TP63: variants seen among roughly 807,000 people sequenced by gnomAD.
TP63 encodes tumor protein p63.
A neutral mutation model predicts 82.8 loss-of-function variants in TP63; 17 were observed. The ratio of observed to expected loss-of-function variants is 0.21; its 90% CI spans 0.14 to 0.31. The LOEUF (loss-of-function observed/expected upper bound fraction) is 0.31, where lower values mean the gene tolerates loss of function less well. Among genes scored for constraint, TP63 ranks in the 10% least tolerant of loss-of-function variants. TP63 has a pLI of 1.00. For missense variants in TP63, 648 were observed against 895.3 expected (o/e 0.72, Z 3.52); for synonymous variants, 330 against 321.7 (o/e 1.03, Z -0.28).
At chr3:189,764,341 C>G (rs571894495) in intron 3 of TP63, among the ~76,000 whole-genome samples, 1 of 152,094 alleles carries the variant, frequency 6.6e-6, no homozygotes, top group Admixed American at 6.5e-5. Flanking sequence ...TGATAAAATG[C>G]CAGAATACAA....
the TP63 span, among the ~76,000 whole-genome samples, chr3:189,599,656 A>T: frequency 2.0e-5 from 3 of 152,180 alleles, no homozygotes; most frequent in African/African-American, 7.2e-5. Flanking sequence ...AGATTTGAAG[A>T]TTAGGGAGTT....
chr3:189,624,427 A>G, the TP63 span, among the ~76,000 whole-genome samples: 73 of 152,306 alleles, frequency 4.8e-4, 4 homozygotes, highest in East Asian at 7.7e-3. Flanking sequence ...ATAATAGATG[A>G]ATCATATGTC....
At chr3:189,753,549 AC>A (rs1721976643) in intron 3 of TP63, among the ~76,000 whole-genome samples, 1 of 151,932 alleles carries the variant, frequency 6.6e-6, no homozygotes, top group South Asian at 2.1e-4. Flanking sequence ...TTTTTAACCT[AC>A]TTTTATCATT....
chr3:189,847,073 T>C (rs987061732), intron 4 of TP63, among the ~76,000 whole-genome samples: 7 of 152,096 alleles, frequency 4.6e-5, no homozygotes, highest in Admixed American at 3.3e-4. Flanking sequence ...AATAATCAAA[T>C]GAGGCCGGAC....
chr3:189,765,774 G>A (rs1301135776), intron 3 of TP63, among the ~76,000 whole-genome samples: 1 of 152,116 alleles, frequency 6.6e-6, no homozygotes, highest in Non-Finnish European at 1.5e-5. Context: ...TGGTGAAAAA[G>A]CACTGGCCTA....
intron 1 of TP63, among the ~76,000 whole-genome samples, chr3:189,701,230 T>C (rs962786022): frequency 2.6e-5 from 4 of 152,040 alleles, no homozygotes; most frequent in Admixed American, 1.3e-4. Context: ...CTAATAGAAC[T>C]CCAGTACGTG....
At chr3:189,868,767 T>A in intron 8 of TP63, 51 bp downstream of exon 8, 1 of 1,612,374 alleles carries the variant, frequency 6.2e-7, no homozygotes, top group Non-Finnish European at 8.5e-7. Flanking sequence ...TCTCCAGATG[T>A]TGGAGAATGG....
intron 1 of TP63, among the ~76,000 whole-genome samples, chr3:189,705,670 T>G (rs571338735): frequency 3.3e-5 from 5 of 151,972 alleles, no homozygotes; most frequent in Non-Finnish European, 7.4e-5. Context: ...ATATATACTT[T>G]TATATTTAGA....
Position 189,631,467 on chromosome 3 carries a change from T to G in TP63, c.-49T>G. 6.2e-7 allele frequency: 1 copy of G among 1,610,966 alleles called. No homozygotes were observed. The highest frequency in any genetic ancestry group is 8.5e-7 in the Non-Finnish European group (1 of 1,178,000). ...ATATATACACAGGTATATGTGTATA[T>G]TTTATATAATTGTTCTCCGTTCGTT... is the stretch of plus-strand genomic sequence containing the variant. On this transcript the variant is annotated 5_prime_UTR_variant, in exon 1 of 14. Transcript: ENST00000264731.
intron 4 of TP63, among the ~76,000 whole-genome samples, chr3:189,840,575 C>T (rs193283761): frequency 1.0e-3 from 156 of 151,352 alleles, no homozygotes; most frequent in Non-Finnish European, 1.8e-3. Context: ...AAATTGTTCA[C>T]GGTGGCTGGG....
intron 4 of TP63, among the ~76,000 whole-genome samples, chr3:189,839,586 A>G (rs1254110657): frequency 6.6e-6 from 1 of 152,130 alleles, no homozygotes; most frequent in Non-Finnish European, 1.5e-5. Context: ...ATTAACTAGT[A>G]CCTTAGTCAA....
chr3:189,626,872 T>A (rs187522644), upstream of TP63, among the ~76,000 whole-genome samples: 3 of 152,340 alleles, frequency 2.0e-5, no homozygotes, highest in African/African-American at 7.2e-5. Context: ...TTTTTCCAAC[T>A]GTCTCTTATA....
rs114408203 is a variant in TP63, at chr3:189,673,755, G to A, written c.62+42178G>A. Among the ~76,000 whole-genome samples the A allele has an allele frequency of 7.5e-3, 1,138 of 152,206 alleles. 7 individuals carry two copies. The highest frequency in any genetic ancestry group is 0.012 in the Non-Finnish European group (791 of 67,992). ...TCACAACTCAATTCAATTATTTGCAGCTGTTTCACTTCTGCAATTTACTTA... is the reference window on the plus strand; with the variant it reads ...TCACAACTCAATTCAATTATTTGCAACTGTTTCACTTCTGCAATTTACTTA... On this transcript the variant is annotated intron_variant, in intron 1 of 13. Transcript: ENST00000264731.
chr3:189,867,162 C>G (rs952595892), intron 6 of TP63, among the ~76,000 whole-genome samples: 2 of 152,116 alleles, frequency 1.3e-5, no homozygotes, highest in Non-Finnish European at 2.9e-5. Context: ...GTGGGAAAGC[C>G]TAAGAGGGAT....
intron 3 of TP63, among the ~76,000 whole-genome samples, chr3:189,741,192 C>T (rs1039094932): frequency 2.2e-5 from 3 of 138,128 alleles, no homozygotes; most frequent in Non-Finnish European, 4.7e-5. Context: ...TCTGTGGCTG[C>T]TCTGTCTGTG....
Position 189,894,626 on chromosome 3 carries a change from A to G in TP63, c.*124A>G, listed in dbSNP as rs1175465567. ...TCCTCTTGTCTGATTTCTTAGGGGA[A>G]GGAGAAGTAAGAGGCTACCTCTTAC... On this transcript the variant is annotated 3_prime_UTR_variant, in exon 14 of 14. Coordinates refer to ENST00000264731, the MANE Select transcript of TP63 (RefSeq NM_003722.5). The G allele has an allele frequency of 8.2e-7, 1 of 1,215,432 alleles. No individual in the cohort carries two copies. Among genetic ancestry groups the G allele is most frequent in the East Asian group, 2.6e-5 (1 of 39,156 alleles). 75.3% of individuals were successfully genotyped at this position (1,215,432 alleles called of 1,614,324 possible).
intron 1 of TP63, among the ~76,000 whole-genome samples, chr3:189,648,970 A>G (rs1712654755): frequency 6.8e-6 from 1 of 147,236 alleles, no homozygotes. Context: ...ATCTAATCAA[A>G]TAGCCTTGTT....
chr3:189,828,262 A>C (rs574123748), intron 4 of TP63, among the ~76,000 whole-genome samples: 6 of 151,518 alleles, frequency 4.0e-5, no homozygotes, highest in Admixed American at 3.9e-4. Flanking sequence ...AAAAAAAAAA[A>C]AGAGAGAGAG....
At chr3:189,806,437 A>G (rs1417319149) in intron 3 of TP63, among the ~76,000 whole-genome samples, 3 of 152,218 alleles carry the variant, frequency 2.0e-5, no homozygotes, top group Non-Finnish European at 4.4e-5. Context: ...AGTGCTTTGT[A>G]TACTGACCCT....
Sources: gnomAD v4.1 joint callset for allele counts (sites outside exome capture counted in the v4.1 genomes callset) on GRCh38, gnomAD v4.1.1 for gene constraint, MANE v1.5 for transcripts, NCBI Gene and HGNC (gene_info 2026-07-23, HGNC 2026-07-21) for gene names.